Variants in DYNC1I1 observed in about 807,000 individuals in gnomAD.
The protein encoded by DYNC1I1 is cytoplasmic dynein 1 intermediate chain 1.
DYNC1I1 carries 43 observed loss-of-function variants against 86.6 expected under a neutral mutation model. The observed-to-expected ratio is 0.50, with a 90% CI of 0.39 to 0.64. The LOEUF (loss-of-function observed/expected upper bound fraction) is 0.64, where lower values mean the gene tolerates loss of function less well. Ranked by LOEUF, DYNC1I1 falls within the 30% of genes least tolerant of loss-of-function variation. DYNC1I1 has a pLI of 0.00. For missense variants in DYNC1I1, 604 were observed against 788.8 expected (o/e 0.77, Z 2.81); for synonymous variants, 262 against 283.7 (o/e 0.92, Z 0.77).
intron 9 of DYNC1I1, among the ~76,000 whole-genome samples, chr7:95,994,141 G>T (rs1793799900): frequency 6.6e-6 from 1 of 152,046 alleles, no homozygotes; most frequent in Admixed American, 6.6e-5. Context: ...AGCATTGTTT[G>T]ACAACAAAGG....
chr7:95,997,861 T>C (rs932088385), intron 10 of DYNC1I1, among the ~76,000 whole-genome samples: 2 of 151,970 alleles, frequency 1.3e-5, no homozygotes, highest in Non-Finnish European at 2.9e-5. Flanking sequence ...ACTCATGAAG[T>C]TGGGATAAAG....
intron 6 of DYNC1I1, among the ~76,000 whole-genome samples, chr7:95,940,964 A>G (rs1301066999): frequency 1.3e-5 from 2 of 152,210 alleles, no homozygotes; most frequent in Non-Finnish European, 2.9e-5. Context: ...GGTGATGTAC[A>G]GATGGGTTTT....
At chr7:95,959,617 A>G (rs946204646) in intron 6 of DYNC1I1, among the ~76,000 whole-genome samples, 3 of 152,190 alleles carry the variant, frequency 2.0e-5, no homozygotes, top group Non-Finnish European at 4.4e-5. Context: ...ATGAGACAGT[A>G]TGGTGGAGTA....
At chr7:95,931,684 T>C (rs906511074) in intron 6 of DYNC1I1, among the ~76,000 whole-genome samples, 3 of 152,222 alleles carry the variant, frequency 2.0e-5, no homozygotes, top group Non-Finnish European at 4.4e-5. Context: ...ATTTACATAT[T>C]GTCCCTGGCT....
chr7:95,880,567 TG>T (rs1314624595), intron 6 of DYNC1I1, among the ~76,000 whole-genome samples: 2 of 151,542 alleles, frequency 1.3e-5, no homozygotes, highest in East Asian at 3.9e-4. Context: ...TGTGAGAGAG[TG>T]GGTAAGTCTG....
chr7:95,826,354 C>T (rs1306802640), intron 4 of DYNC1I1, among the ~76,000 whole-genome samples: 1 of 152,042 alleles, frequency 6.6e-6, no homozygotes, highest in East Asian at 1.9e-4. Context: ...TCAAATAGGT[C>T]GGGCATTGAC....
chr7:95,994,814 A>G (rs62467742), intron 9 of DYNC1I1, among the ~76,000 whole-genome samples: 25,291 of 152,200 alleles, frequency 0.17, 2,162 homozygotes, highest in Non-Finnish European at 0.17. Flanking sequence ...ATAGGAAGCC[A>G]TTTATGAAGC....
chr7:95,942,250 G>A (rs1056783814), intron 6 of DYNC1I1, among the ~76,000 whole-genome samples: 3 of 151,718 alleles, frequency 2.0e-5, no homozygotes, highest in Admixed American at 1.3e-4. Flanking sequence ...ACACCTCTAC[G>A]CAAATAAACT....
chr7:95,926,985 A>G (rs1040887730), intron 6 of DYNC1I1, among the ~76,000 whole-genome samples: 1 of 152,160 alleles, frequency 6.6e-6, no homozygotes, highest in Non-Finnish European at 1.5e-5. Flanking sequence ...CAAATTTCGA[A>G]CAAATTATAT....
chr7:96,105,590 C>A (rs1304246982), intron 16 of DYNC1I1, among the ~76,000 whole-genome samples: 2 of 152,068 alleles, frequency 1.3e-5, no homozygotes, highest in African/African-American at 4.8e-5. Context: ...ATAATCGTTC[C>A]TTGTGAATAC....
At chr7:96,017,594 G>C (rs1253181092) in intron 10 of DYNC1I1, among the ~76,000 whole-genome samples, 3 of 152,038 alleles carry the variant, frequency 2.0e-5, no homozygotes, top group Non-Finnish European at 4.4e-5. Context: ...AGACAACTGT[G>C]AAAAAAGTAT....
At chr7:95,867,569 C>T (rs1379957183) in intron 5 of DYNC1I1, among the ~76,000 whole-genome samples, 1 of 152,196 alleles carries the variant, frequency 6.6e-6, no homozygotes, top group Non-Finnish European at 1.5e-5. Context: ...ACATCAGCCT[C>T]CTGTTGCCCA....
intron 1 of DYNC1I1, among the ~76,000 whole-genome samples, chr7:95,800,559 A>G (rs1286987716): frequency 6.6e-6 from 1 of 152,170 alleles, no homozygotes; most frequent in Non-Finnish European, 1.5e-5. Flanking sequence ...AGTGCAACTG[A>G]TTGCAGTGGA....
chr7:96,007,693 A>G (rs532400191), intron 10 of DYNC1I1, among the ~76,000 whole-genome samples: 4 of 152,206 alleles, frequency 2.6e-5, no homozygotes, highest in Non-Finnish European at 5.9e-5. Context: ...AACCCAGCGA[A>G]AAAACACTCT....
chr7:96,097,079 T>G (rs984527726), intron 16 of DYNC1I1, among the ~76,000 whole-genome samples: 1 of 152,170 alleles, frequency 6.6e-6, no homozygotes, highest in African/African-American at 2.4e-5. Context: ...AAAGGATTAA[T>G]ACCATTGACT....
chr7:95,995,282 A>C (rs979170190), intron 9 of DYNC1I1, among the ~76,000 whole-genome samples: 1 of 151,496 alleles, frequency 6.6e-6, no homozygotes, highest in African/African-American at 2.4e-5. Context: ...ATAAATAAAT[A>C]AATAATGTAG....
At chr7:95,830,860 C>A (rs567182680) in intron 5 of DYNC1I1, among the ~76,000 whole-genome samples, 6 of 152,252 alleles carry the variant, frequency 3.9e-5, no homozygotes, top group African/African-American at 1.4e-4. Flanking sequence ...ACATTCTTGA[C>A]AACGCTTAGT....
chr7:96,002,867 C>A (rs1337762407), intron 10 of DYNC1I1, among the ~76,000 whole-genome samples: 1 of 151,168 alleles, frequency 6.6e-6, no homozygotes, highest in Non-Finnish European at 1.5e-5. Context: ...GTTTTTGAGA[C>A]AGAATCTTGC....
At chr7:95,958,941 C>A in intron 6 of DYNC1I1, among the ~76,000 whole-genome samples, 1 of 152,176 alleles carries the variant, frequency 6.6e-6, no homozygotes, top group South Asian at 2.1e-4. Flanking sequence ...ATTTGGCATA[C>A]AAATGACAAA....
Sources: allele counts gnomAD v4.1 joint callset (sites outside exome capture counted in the v4.1 genomes callset), GRCh38; gene constraint gnomAD v4.1.1; transcripts MANE v1.5; gene names NCBI Gene and HGNC (gene_info 2026-07-23, HGNC 2026-07-21).